ADAMTS7: variants seen among roughly 807,000 people sequenced by gnomAD.
ADAMTS7 encodes the protein A disintegrin and metalloproteinase with thrombospondin motifs 7.
A neutral mutation model predicts 172.6 loss-of-function variants in ADAMTS7; 89 were observed. The observed-to-expected ratio is 0.52, with a 90% CI of 0.43 to 0.61. The LOEUF (loss-of-function observed/expected upper bound fraction) is 0.61. ADAMTS7 is among the 20% of genes least tolerant of loss of function. ADAMTS7 has a pLI of 0.00. For missense variants in ADAMTS7, 1,973 were observed against 2,355.6 expected, an observed-to-expected ratio of 0.84 and a Z score of 3.36; for synonymous variants, 885 against 978.4, an observed-to-expected ratio of 0.90 and a Z score of 1.78.
In ADAMTS7 at chr15:78,777,550, T is replaced by C. The variant is rs768094994; in HGVS notation, c.1361A>G (p.Lys454Arg). The stretch of plus-strand genomic sequence containing the variant: ...CACCGAGGGGAAGTCGATAATGTCC[T>C]TGGCAGGAGGGTCGTCCAGGCACAG... ...WGLCLDDPPA[K>R]DIIDFPSVPP... The change falls in exon 9 of 24, where the codon AAG (lysine) becomes AGG (arginine). Residue 454 changes from lysine (K) to arginine (R), a missense_variant. Coordinates refer to ENST00000388820, the MANE Select transcript of ADAMTS7 (RefSeq NM_014272.5). 4.4e-6 allele frequency: 7 copies of C among 1,608,632 alleles called. No individual in the cohort carries two copies. In the East Asian group the frequency reaches 1.3e-4, roughly 31 times the overall value.
rs1461223623 is a variant in ADAMTS7, at chr15:78,763,571, C to T, written c.4740+128G>A. ...GGTGTGAGCACCAGCCGGGCGGGGC[C>T]TCGTCCAGTGACAGGGCCACAAAGA... On this transcript the variant is annotated intron_variant, in intron 22 of 23. Coordinates refer to ENST00000388820, the MANE Select transcript of ADAMTS7 (RefSeq NM_014272.5). 4 of 1,285,464 alleles carry T rather than the reference C, an allele frequency of 3.1e-6. No individual in the cohort carries two copies. The South Asian group carries it at 6.0e-5, about 19-fold the overall frequency. 79.6% of individuals were successfully genotyped at this position (1,285,464 alleles called of 1,614,324 possible).
intron 4 of ADAMTS7, among the ~76,000 whole-genome samples, chr15:78,794,111 C>T (rs1419210079): frequency 6.6e-6 from 1 of 152,094 alleles, no homozygotes; most frequent in African/African-American, 2.4e-5. Context: ...TGGTGGGGCA[C>T]GCTTGTAATC....
chr15:78,789,622 C>A (rs1008483416), intron 7 of ADAMTS7, 67 bp downstream of exon 7: 9 of 1,585,208 alleles, frequency 5.7e-6, no homozygotes, highest in Non-Finnish European at 7.7e-6. Flanking sequence ...AGGCTGGATA[C>A]CCGGTGCCCC....
intron 11 of ADAMTS7, 51 bp from the exon 12 acceptor site, chr15:78,774,844 G>C (rs1252824086): frequency 7.1e-6 from 11 of 1,540,200 alleles, no homozygotes; most frequent in Non-Finnish European, 9.6e-6. Flanking sequence ...GAGTGCTACT[G>C]CATGGCCACA....
Position 78,800,469 on chromosome 15 carries a change from T to C in ADAMTS7, c.179A>G (p.Tyr60Cys), listed in dbSNP as rs1300643984. The C allele has an allele frequency of 3.1e-6, 5 of 1,610,828 alleles. No individual in the cohort carries two copies. The highest frequency in any genetic ancestry group is 4.5e-5 in the East Asian group (2 of 44,794). The change falls in exon 2 of 24, where the codon TAC becomes TGC. Residue 60 changes from tyrosine (Y) to cysteine (C), a missense_variant. By Grantham distance (194) the Tyr-to-Cys change is radical. This residue lies in a region of ADAMTS7 where 306 missense variants were observed against 288.0 expected (regional missense o/e 1.06). Transcript: ENST00000388820. Reference sequence around the variant, plus strand: ...GCGCAGTGCGCGGGGCCACAGCTCGTAGGACAGGAAGGAGCCCCCCGCGTC... The same window carrying C: ...GCGCAGTGCGCGGGGCCACAGCTCGCAGGACAGGAAGGAGCCCCCCGCGTC... ...RVDAGGSFLS[Y>C]ELWPRALRKR...
In ADAMTS7 at chr15:78,774,744, G is replaced by T. The variant is rs1371452044; in HGVS notation, c.1756C>A (p.Leu586Ile). ...GCAGGGCAGGCCTGCAGGTTGCAGA[G>T]GCGGAAGCGCTTGCGCTCACCCACA... Reference protein sequence around the residue: ...YCVGERKRFRLCNLQACPAGR... With the variant: ...YCVGERKRFRICNLQACPAGR... The change falls in exon 12 of 24, where the codon CTC becomes ATC. Residue 586 changes from leucine (L) to isoleucine (I), a missense_variant. Physicochemically the swap from Leu to Ile is conservative, Grantham distance 5. Transcript: ENST00000388820. 1 of 1,611,342 alleles carries T rather than the reference G, an allele frequency of 6.2e-7. No individual in the cohort carries two copies. The highest frequency in any genetic ancestry group is 1.3e-5 in the African/African-American group (1 of 74,864).
chr15:78,765,014 C>T (rs1596171999), intron 19 of ADAMTS7: 2 of 315,798 alleles, frequency 6.3e-6, no homozygotes, highest in East Asian at 1.0e-4. Flanking sequence ...CTATCTTGAC[C>T]AGCCTCGTCG....
chr15:78,788,422 G>C (rs753316633), intron 7 of ADAMTS7, 48 bp from the exon 8 acceptor site: 1 of 1,598,722 alleles, frequency 6.3e-7, no homozygotes, highest in Non-Finnish European at 8.5e-7. Context: ...GCGGGAGGCT[G>C]CCAGCCTGCC....
chr15:78,793,423 G>A (rs747431387), intron 4 of ADAMTS7, among the ~76,000 whole-genome samples: 143 of 151,288 alleles, frequency 9.5e-4, no homozygotes, highest in Middle Eastern at 6.8e-3. Context: ...GCATGATCTC[G>A]GCTCACTGCA....
At chr15:78,763,551 G>A in intron 22 of ADAMTS7, 148 bp downstream of exon 22, 3 of 1,107,210 alleles carry the variant, frequency 2.7e-6, no homozygotes, top group Non-Finnish European at 3.6e-6. Flanking sequence ...TGGCAGGTGT[G>A]AGCACCAGCC....
At chr15:78,776,127 C>G (rs1162606654) in intron 11 of ADAMTS7, 61 bp downstream of exon 11, 11 of 1,534,416 alleles carry the variant, frequency 7.2e-6, no homozygotes, top group Non-Finnish European at 9.7e-6. Flanking sequence ...CTCCTGCAAT[C>G]GGCTGACTGT....
Position 78,800,491 on chromosome 15 carries a change from C to T in ADAMTS7, c.157G>A (p.Ala53Thr), listed in dbSNP as rs2055709892. The change falls in exon 2 of 24, where the codon GCG becomes ACG. Residue 53 changes from alanine to threonine, a missense_variant. By Grantham distance (58) the Ala-to-Thr change is moderately conservative. Around this residue, in one of 8 missense-constraint regions of ADAMTS7, gnomAD observed 306 missense variants for 288.0 expected, o/e 1.06. Coordinates refer to ENST00000388820, the MANE Select transcript of ADAMTS7 (RefSeq NM_014272.5). ...LDIVHPVRVDAGGSFLSYELW... is the reference protein window; with the variant it reads ...LDIVHPVRVDTGGSFLSYELW... The stretch of plus-strand genomic sequence containing the variant: ...TCGTAGGACAGGAAGGAGCCCCCCG[C>T]GTCGACTCGAACCGGGTGCACGATG... The T allele has an allele frequency of 6.2e-7, 1 of 1,609,080 alleles. No individual in the cohort carries two copies. The highest frequency in any genetic ancestry group is 2.2e-5 in the East Asian group (1 of 44,734).
chr15:78,775,351 C>T (rs191635794), intron 11 of ADAMTS7, among the ~76,000 whole-genome samples: 14 of 152,288 alleles, frequency 9.2e-5, no homozygotes, highest in African/African-American at 3.4e-4. Context: ...GGTCGCTGGC[C>T]CCCACCCAGC....
At position 78,763,797 on chromosome 15, in the gene ADAMTS7, G is replaced by A. The variant is rs545403957; in HGVS notation, c.4642C>T (p.Pro1548Ser). Residue 1548 changes from proline to serine, a missense_variant, in exon 22 of 24, where the codon CCG becomes TCG. Transcript: ENST00000388820. ...GGEQQRLVTC[P>S]EPGLCEEALR... is the part of the protein sequence containing the mutation. Reference sequence around the variant, plus strand: ...GCCTCCTCGCAGAGGCCTGGCTCCGGGCAGGTCACTAGACGCTGCTGCTCA... The same window carrying A: ...GCCTCCTCGCAGAGGCCTGGCTCCGAGCAGGTCACTAGACGCTGCTGCTCA... 6.3e-7 allele frequency: 1 copy of A among 1,586,882 alleles called. No homozygotes were observed. The highest frequency in any genetic ancestry group is 8.6e-7 in the Non-Finnish European group (1 of 1,169,048).
At chr15:78,786,177 G>A (rs369159747) in intron 8 of ADAMTS7, among the ~76,000 whole-genome samples, 1 of 151,810 alleles carries the variant, frequency 6.6e-6, no homozygotes, top group East Asian at 1.9e-4. Flanking sequence ...TGATCCACCT[G>A]CCTCAGCCTC....
At chr15:78,759,623 T>A in intron 23 of ADAMTS7, 45 bp from the exon 24 acceptor site, 1 of 1,512,700 alleles carries the variant, frequency 6.6e-7, no homozygotes, top group Non-Finnish European at 8.8e-7. Flanking sequence ...TAGCTTGGGG[T>A]ACCCAGAACC....
intron 17 of ADAMTS7, 140 bp from the exon 18 acceptor site, chr15:78,767,732 G>A: frequency 1.3e-6 from 1 of 797,728 alleles, no homozygotes; most frequent in South Asian, 1.8e-5. Context: ...TGATTCTCCA[G>A]AGCTCCAAGC....
chr15:78,811,101 G>A lies in ADAMTS7; in HGVS notation c.100+20C>T. 1 of 1,230,070 alleles carries A rather than the reference G, an allele frequency of 8.1e-7. No individual in the cohort carries two copies. The highest frequency in any genetic ancestry group is 1.0e-6 in the Non-Finnish European group (1 of 986,772). The allele number at this position is 1,230,070 out of a possible 1,614,324, so 76.2% of individuals were successfully genotyped here. A position where few individuals can be genotyped will look rare whatever the true frequency, so the allele number is the denominator to read the frequency against. On this transcript the variant is annotated intron_variant, in intron 1 of 23. Coordinates refer to ENST00000388820, the MANE Select transcript of ADAMTS7 (RefSeq NM_014272.5). ...GAAGGGGTGGCAGGCCCGGCTGGCCGGGGAGGGGCGGACACCCACCTGGTG... is the reference window on the plus strand; with the variant it reads ...GAAGGGGTGGCAGGCCCGGCTGGCCAGGGAGGGGCGGACACCCACCTGGTG...
chr15:78,788,410 C>T (rs374964762), intron 7 of ADAMTS7, 36 bp from the exon 8 acceptor site: 216 of 1,605,004 alleles, frequency 1.3e-4, no homozygotes, highest in South Asian at 2.6e-4. Flanking sequence ...GCGGGTGAGC[C>T]GGCGGGAGGC....
Sources: allele counts gnomAD v4.1 joint callset (sites outside exome capture counted in the v4.1 genomes callset), GRCh38; gene constraint gnomAD v4.1.1; regional missense constraint gnomAD v4.1.1; transcripts MANE v1.5; gene names NCBI Gene and HGNC (gene_info 2026-07-23, HGNC 2026-07-21).